DCHS2: variants seen among roughly 807,000 people sequenced by gnomAD.
DCHS2 encodes the protein dachsous cadherin-related 2.
Under a neutral mutation model 182.4 loss-of-function variants are expected in DCHS2, and 142 were observed. The ratio of observed to expected loss-of-function variants is 0.78; its 90% confidence interval spans 0.68 to 0.89. The LOEUF (loss-of-function observed/expected upper bound fraction) is 0.89. DCHS2 is among the 40% of genes least tolerant of loss of function. DCHS2 has a pLI of 0.00. For synonymous variants in DCHS2, 1,740 were observed against 1,663.3 expected (o/e 1.05, Z -1.12); for missense variants, 4,319 against 4,198.6 (o/e 1.03, Z -0.79).
chr4:154,353,775 A>C (rs1729729539), intron 3 of DCHS2, among the ~76,000 whole-genome samples: 1 of 152,208 alleles, frequency 6.6e-6, no homozygotes, highest in Non-Finnish European at 1.5e-5. Context: ...TACCTGCATT[A>C]AAATCATTTT....
chr4:154,366,408 C>A lies in DCHS2; in HGVS notation c.2278G>T (p.Asp760Tyr). The A allele has an allele frequency of 6.2e-7, 1 of 1,613,624 alleles. No individual in the cohort carries two copies. Among genetic ancestry groups the A allele is most frequent in the Non-Finnish European group, 8.5e-7 (1 of 1,179,844 alleles). The change falls in exon 3 of 20, where the codon GAC becomes TAC. Residue 760 changes from aspartate (D) to tyrosine (Y), a missense_variant. Physicochemically the swap from Asp to Tyr is radical, Grantham distance 160. Coordinates refer to ENST00000357232, the MANE Select transcript of DCHS2 (RefSeq NM_001358235.2). ...TGATTATCATTCACGTCCTCCAGGT[C>A]CACACGAACAAAGGCTTGGGCACTT... ...GLSAQAFVRV[D>Y]LEDVNDNHPV... is the part of the protein sequence containing the mutation.
chr4:154,484,986 C>G (rs755531993), intron 1 of DCHS2, among the ~76,000 whole-genome samples: 2 of 152,224 alleles, frequency 1.3e-5, no homozygotes, highest in Non-Finnish European at 2.9e-5. Context: ...ATGTACATAA[C>G]AGAGAATCCC....
chr4:154,237,821 A>G (rs905469266), intron 19 of DCHS2, among the ~76,000 whole-genome samples: 4 of 152,202 alleles, frequency 2.6e-5, no homozygotes, highest in African/African-American at 9.6e-5. Context: ...TGACATTTAA[A>G]TGCCATGTTT....
rs1194197368 is a variant in DCHS2 at position 154,346,692 on chromosome 4, A to G, written c.2477-11588T>C. 2.0e-5 allele frequency among the ~76,000 whole-genome samples: 3 copies of G among 151,950 alleles called. No homozygotes were observed. In the East Asian group the frequency reaches 5.8e-4, roughly 29 times the overall value. On this transcript the variant is annotated intron_variant, in intron 3 of 19. Coordinates refer to ENST00000357232, the MANE Select transcript of DCHS2 (RefSeq NM_001358235.2). ...ATTTATTGAGCTGCTTCTACTTAAG[A>G]CCACAAAATTTGTCCCTGGCCAGTG...
At chr4:154,342,945 A>G (rs925700114) in intron 3 of DCHS2, among the ~76,000 whole-genome samples, 1 of 152,206 alleles carries the variant, frequency 6.6e-6, no homozygotes, top group African/African-American at 2.4e-5. Flanking sequence ...TCTTAAATAA[A>G]ATACTTGAAA....
At chr4:154,346,856 A>G (rs1729383985) in intron 3 of DCHS2, among the ~76,000 whole-genome samples, 1 of 151,940 alleles carries the variant, frequency 6.6e-6, no homozygotes, top group Non-Finnish European at 1.5e-5. Context: ...AGTGTTTACC[A>G]TAACAAGCTG....
At position 154,235,517 on chromosome 4, in the gene DCHS2, AT is replaced by A. The variant is rs781634290; in HGVS notation, c.9134del (p.Asp3045ValfsTer28). ...TCTGGAAGGCTTTGAGCACACTGGC[AT>A]CCCGGGTCACTCTCAAGTCCGCATC... ...SLDADLRVTR[D>X]ASVLKAFQKT... is the part of the protein sequence containing the mutation. On this transcript the variant is annotated frameshift_variant, in exon 20 of 20. Coordinates refer to ENST00000357232, the MANE Select transcript of DCHS2 (RefSeq NM_001358235.2). LOFTEE classifies it low-confidence loss of function (END_TRUNC). 2 of 1,614,056 alleles carry A rather than the reference AT, an allele frequency of 1.2e-6. No homozygotes were observed. Among genetic ancestry groups the A allele is most frequent in the Admixed American group, 3.3e-5 (2 of 60,014 alleles).
At position 154,310,455 on chromosome 4, in the gene DCHS2, A is replaced by G. The variant is rs79330233; in HGVS notation, c.5261-5224T>C. 2.8e-3 allele frequency among the ~76,000 whole-genome samples: 430 copies of G among 152,314 alleles called. 1 individual carries two copies. The highest frequency in any genetic ancestry group is 0.01 in the African/African-American group (419 of 41,560). On this transcript the variant is annotated intron_variant, in intron 10 of 19. Transcript: ENST00000357232. ...GGTCTTCTTTTGAATACTATAAATA[A>G]TCCAAAGCTTAAGGAAATGAGAATG...
chr4:154,254,135 A>AAATAG (rs1732528597), intron 16 of DCHS2, among the ~76,000 whole-genome samples: 1 of 152,210 alleles, frequency 6.6e-6, no homozygotes, highest in African/African-American at 2.4e-5. Flanking sequence ...TGCGAGGATT[A>AAATAG]AATAGAATAC....
chr4:154,266,697 G>A (rs1269133483), intron 14 of DCHS2, among the ~76,000 whole-genome samples: 1 of 151,020 alleles, frequency 6.6e-6, no homozygotes, highest in Non-Finnish European at 1.5e-5. Context: ...TTTAATCAAA[G>A]TGTTGGTACA....
chr4:154,290,776 C>CA (rs1455339872), intron 13 of DCHS2, among the ~76,000 whole-genome samples: 2 of 152,024 alleles, frequency 1.3e-5, no homozygotes, highest in Non-Finnish European at 2.9e-5. Context: ...TCACCACATA[C>CA]AAAAATTAAA....
intron 3 of DCHS2, among the ~76,000 whole-genome samples, chr4:154,358,582 A>G (rs1729977778): frequency 6.6e-6 from 1 of 152,210 alleles, no homozygotes; most frequent in South Asian, 2.1e-4. Flanking sequence ...AATGTTAGGC[A>G]TGGACATCTA....
chr4:154,344,109 G>A (rs945579333), intron 3 of DCHS2, among the ~76,000 whole-genome samples: 13 of 152,054 alleles, frequency 8.5e-5, no homozygotes, highest in African/African-American at 3.1e-4. Context: ...ACATTTATCA[G>A]TTATGTTAGC....
intron 3 of DCHS2, among the ~76,000 whole-genome samples, chr4:154,360,043 G>A (rs979204371): frequency 6.6e-6 from 1 of 151,898 alleles, no homozygotes; most frequent in African/African-American, 2.4e-5. Context: ...GTAAATTCAA[G>A]TGTCAGGTTT....
At chr4:154,337,007 A>G (rs1728844233) in intron 3 of DCHS2, among the ~76,000 whole-genome samples, 2 of 152,178 alleles carry the variant, frequency 1.3e-5, no homozygotes, top group Non-Finnish European at 2.9e-5. Context: ...TAATGTAACC[A>G]ACTATTAGTA....
chr4:154,407,481 A>G (rs1041191725), intron 1 of DCHS2, among the ~76,000 whole-genome samples: 2 of 152,198 alleles, frequency 1.3e-5, no homozygotes, highest in Non-Finnish European at 2.9e-5. Flanking sequence ...TCCAAGCTGA[A>G]CATACACATA....
chr4:154,291,048 G>T (rs1734635594), intron 13 of DCHS2, among the ~76,000 whole-genome samples: 1 of 152,092 alleles, frequency 6.6e-6, no homozygotes. Flanking sequence ...TCTGACAAGG[G>T]ATTCATAACC....
At chr4:154,448,979 G>A (rs879303262) in intron 1 of DCHS2, among the ~76,000 whole-genome samples, 1 of 152,026 alleles carries the variant, frequency 6.6e-6, no homozygotes, top group African/African-American at 2.4e-5. Context: ...CTCCTCACTG[G>A]ACTGTAAACT....
intron 13 of DCHS2, among the ~76,000 whole-genome samples, chr4:154,271,249 T>A (rs1733576044): frequency 6.6e-6 from 1 of 152,100 alleles, no homozygotes; most frequent in Non-Finnish European, 1.5e-5. Flanking sequence ...GAGATAAGTG[T>A]GGCTTTATGT....
Sources: gnomAD v4.1 joint callset for allele counts (sites outside exome capture counted in the v4.1 genomes callset) on GRCh38, gnomAD v4.1.1 for gene constraint, MANE v1.5 for transcripts, NCBI Gene and HGNC (gene_info 2026-07-23, HGNC 2026-07-21) for gene names.